The following PKP1 variants were observed in gnomAD, a reference collection of about 807,000 sequenced individuals.
PKP1 encodes the protein plakophilin-1.
A neutral mutation model predicts 76.4 loss-of-function variants in PKP1; 27 were observed. The ratio of observed to expected loss-of-function variants is 0.35; its 90% CI spans 0.26 to 0.49. PKP1 has a LOEUF of 0.49. Ranked by LOEUF, PKP1 falls within the 20% of genes least tolerant of loss-of-function variation. PKP1 has a pLI of 0.99. For missense variants in PKP1, 964 were observed against 955.2 expected (o/e 1.01, Z -0.12); for synonymous variants, 404 against 384.2 (o/e 1.05, Z -0.60).
chr1:201,300,798 C>A (rs1656206513), intron 2 of PKP1, among the ~76,000 whole-genome samples: 1 of 152,178 alleles, frequency 6.6e-6, no homozygotes, highest in Admixed American at 6.5e-5. Context: ...GTGGTGTCCT[C>A]CAAGGGCAAG....
chr1:201,287,479 G>C (rs560464493), intron 1 of PKP1, among the ~76,000 whole-genome samples: 33 of 152,342 alleles, frequency 2.2e-4, no homozygotes, highest in African/African-American at 7.5e-4. Flanking sequence ...CATCACTTCT[G>C]GGGTTGTTTT....
intron 1 of PKP1, among the ~76,000 whole-genome samples, chr1:201,284,566 C>G (rs1655672655): frequency 6.6e-6 from 1 of 152,218 alleles, no homozygotes; most frequent in East Asian, 1.9e-4. Flanking sequence ...AACTCCAGGG[C>G]ACTTTATCGA....
At chr1:201,325,980 G>A (rs1033186359) in intron 12 of PKP1, 142 bp downstream of exon 12, 10 of 684,082 alleles carry the variant, frequency 1.5e-5, no homozygotes, top group Admixed American at 4.2e-5. Flanking sequence ...CAGCGTCTAC[G>A]TGAAAATGAA....
intron 2 of PKP1, among the ~76,000 whole-genome samples, chr1:201,298,353 A>T (rs1014143951): frequency 6.6e-6 from 1 of 152,204 alleles, no homozygotes; most frequent in Admixed American, 6.5e-5. Context: ...AGGCGTGTGG[A>T]CAATTTTGAT....
At position 201,316,645 on chromosome 1, in the gene PKP1, G is replaced by T; in HGVS notation, c.794G>T (p.Gly265Val). The T allele has an allele frequency of 2.5e-6, 4 of 1,613,728 alleles. No homozygotes were observed. The highest frequency in any genetic ancestry group is 3.4e-6 in the Non-Finnish European group (4 of 1,179,858). ...CAGGATGAGAAGTACCAGGCCATTGGGGCCTATTACATCCAGCATACCTGC... is the reference window on the plus strand; with the variant it reads ...CAGGATGAGAAGTACCAGGCCATTGTGGCCTATTACATCCAGCATACCTGC... ...SSQDEKYQAI[G>V]AYYIQHTCFQ... The change falls in exon 4 of 14, where the codon GGG (glycine) becomes GTG (valine). Residue 265 changes from glycine (G) to valine (V), a missense_variant. Coordinates refer to ENST00000367324, the MANE Select transcript of PKP1 (RefSeq NM_001005337.3).
Position 201,328,818 on chromosome 1 carries a change from C to A in PKP1, c.2163C>A (p.Asn721Lys). The A allele has an allele frequency of 1.2e-6, 2 of 1,614,000 alleles. No individual in the cohort carries two copies. Among genetic ancestry groups the A allele is most frequent in the Non-Finnish European group, 1.7e-6 (2 of 1,179,856 alleles). The part of the protein sequence containing the change: ...GTLAGANSLR[N>K]FTSRF The stretch of plus-strand genomic sequence containing the variant: ...TAGCTGGGGCCAACAGCCTCAGGAA[C>A]TTCACCTCCCGATTCTAAGAAGAGA... Residue 721 changes from asparagine (N) to lysine (K), a missense_variant, in exon 13 of 14, where the codon AAC becomes AAA. Transcript: ENST00000367324.
intron 3 of PKP1, 69 bp downstream of exon 3, chr1:201,313,629 C>T (rs960114898): frequency 7.9e-5 from 119 of 1,509,106 alleles, no homozygotes; most frequent in Non-Finnish European, 1.0e-4. Context: ...AGCCTGACTG[C>T]ACCCTGCAAA....
intron 2 of PKP1, among the ~76,000 whole-genome samples, chr1:201,296,167 G>A (rs1452803211): frequency 6.6e-6 from 1 of 152,216 alleles, no homozygotes; most frequent in Non-Finnish European, 1.5e-5. Context: ...GTGGGAAGAG[G>A]GAAGAACTGA....
chr1:201,285,047 T>C (rs1338162749), intron 1 of PKP1, among the ~76,000 whole-genome samples: 3 of 152,034 alleles, frequency 2.0e-5, no homozygotes, highest in African/African-American at 7.3e-5. Context: ...ACTTGTTTAT[T>C]TATTTACTTA....
intron 6 of PKP1, chr1:201,319,706 G>C: frequency 9.3e-7 from 1 of 1,077,788 alleles, no homozygotes; most frequent in Non-Finnish European, 1.4e-6. Context: ...TGAGCCTACT[G>C]CTGGGGGCAG....
intron 2 of PKP1, among the ~76,000 whole-genome samples, chr1:201,307,217 T>C (rs1627874): frequency 0.91 from 139,062 of 152,218 alleles, 63,708 homozygotes; most frequent in East Asian, 1. Context: ...CCCACCACAC[T>C]TCCTCCAAGG....
At chr1:201,312,987 C>A (rs1328978630) in intron 2 of PKP1, among the ~76,000 whole-genome samples, 179 bp from the exon 3 acceptor site, 1 of 152,202 alleles carries the variant, frequency 6.6e-6, no homozygotes, top group Admixed American at 6.5e-5. Context: ...CAATGGGTCA[C>A]AGCCTGCAGT....
intron 2 of PKP1, among the ~76,000 whole-genome samples, chr1:201,309,101 A>C (rs1425404141): frequency 6.6e-6 from 1 of 151,980 alleles, no homozygotes; most frequent in Non-Finnish European, 1.5e-5. Flanking sequence ...GGCTCTCTCA[A>C]GGGGCAACTG....
chr1:201,305,788 A>G (rs758620226), intron 2 of PKP1, among the ~76,000 whole-genome samples: 1 of 152,068 alleles, frequency 6.6e-6, no homozygotes, highest in South Asian at 2.1e-4. Context: ...TGCTCTTCTG[A>G]GGTGCTGGCT....
At chr1:201,327,325 C>T (rs1472018116) in intron 12 of PKP1, among the ~76,000 whole-genome samples, 1 of 152,122 alleles carries the variant, frequency 6.6e-6, no homozygotes, top group Admixed American at 6.5e-5. Context: ...CAGAAGGAAG[C>T]CCAGCTCTTC....
Position 201,323,139 on chromosome 1 carries a change from C to A in PKP1, c.1630C>A (p.Leu544Met), listed in dbSNP as rs1657001283. The part of the protein sequence containing the change: ...LMGKSKKDAT[L>M]EACAGALQNL... ...GGGCAAGAGCAAGAAAGATGCTACC[C>A]TGGAGGCCTGTGCTGGTGCCCTGCA... The change falls in exon 9 of 14, where the codon CTG becomes ATG. Residue 544 changes from leucine to methionine, a missense_variant. By Grantham distance (15) the Leu-to-Met change is conservative. Coordinates refer to ENST00000367324, the MANE Select transcript of PKP1 (RefSeq NM_001005337.3). 4 of 1,614,022 alleles carry A rather than the reference C, an allele frequency of 2.5e-6. No homozygotes were observed. The South Asian group carries it at 4.4e-5, about 18-fold the overall frequency.
In PKP1 at chr1:201,320,384, G is replaced by T. The variant is rs770883399; in HGVS notation, c.1347+3G>T. 1.0e-5 allele frequency: 16 copies of T among 1,594,296 alleles called. No homozygotes were observed. Among genetic ancestry groups the T allele is most frequent in the Non-Finnish European group, 1.3e-5 (15 of 1,162,160 alleles). ...CGGCCAGCCGCTGTGACGACAAGGT[G>T]AGTGCATCCCCTGGTGGCACCCTGA... On this transcript the variant is annotated splice_donor_region_variant and intron_variant, in intron 7 of 13. Coordinates refer to ENST00000367324, the MANE Select transcript of PKP1 (RefSeq NM_001005337.3).
intron 1 of PKP1, among the ~76,000 whole-genome samples, chr1:201,284,185 G>A (rs1655658084): frequency 6.6e-6 from 1 of 152,236 alleles, no homozygotes; most frequent in Admixed American, 6.5e-5. Context: ...GCATGTCCCA[G>A]CGTGCCAGGA....
chr1:201,326,256 G>GA (rs1369805830), intron 12 of PKP1, among the ~76,000 whole-genome samples: 3 of 152,180 alleles, frequency 2.0e-5, no homozygotes, highest in African/African-American at 7.2e-5. Flanking sequence ...TGGCACTGGG[G>GA]AACCATTCAA....
Sources: allele counts gnomAD v4.1 joint callset (sites outside exome capture counted in the v4.1 genomes callset), GRCh38; gene constraint gnomAD v4.1.1; transcripts MANE v1.5; gene names NCBI Gene and HGNC (gene_info 2026-07-23, HGNC 2026-07-21).